The following ABTB3 variants were observed in gnomAD, a reference collection of about 807,000 sequenced individuals.
ABTB3 encodes ankyrin repeat- and BTB/POZ domain-containing protein 3.
the ABTB3 span, among the ~76,000 whole-genome samples, chr12:107,469,146 C>A: frequency 6.6e-6 from 1 of 152,170 alleles, no homozygotes; most frequent in Non-Finnish European, 1.5e-5. Flanking sequence ...TGACTCACCC[C>A]ACTCCGGCCA....
chr12:107,633,010 T>C, the ABTB3 span, among the ~76,000 whole-genome samples: 5 of 152,348 alleles, frequency 3.3e-5, 1 homozygote. Context: ...CCTTTTCTGC[T>C]TCTACTTTTA....
the ABTB3 span, among the ~76,000 whole-genome samples, chr12:107,476,855 G>A: frequency 3.3e-5 from 5 of 152,196 alleles, 1 homozygote; most frequent in African/African-American, 1.2e-4. Context: ...ATGCTGACTT[G>A]TGTGTGCATA....
At chr12:107,319,275 G>C in the ABTB3 span, 1 of 1,547,158 alleles carries the variant, frequency 6.5e-7, no homozygotes, top group Non-Finnish European at 8.7e-7. Context: ...CTGCGTTCGC[G>C]GGATCCCCGG....
chr12:107,518,979 G>C, the ABTB3 span, among the ~76,000 whole-genome samples: 1 of 152,294 alleles, frequency 6.6e-6, no homozygotes. Flanking sequence ...ACTGATCATG[G>C]GATTATGTGT....
chr12:107,536,966 G>T, the ABTB3 span, among the ~76,000 whole-genome samples: 1 of 152,046 alleles, frequency 6.6e-6, no homozygotes, highest in Non-Finnish European at 1.5e-5. Flanking sequence ...ACCAAGATGT[G>T]GATCAACCTA....
At chr12:107,548,695 A>G in the ABTB3 span, among the ~76,000 whole-genome samples, 1 of 152,190 alleles carries the variant, frequency 6.6e-6, no homozygotes, top group Non-Finnish European at 1.5e-5. Context: ...CGATTAGGTG[A>G]TATTTATTTT....
At chr12:107,541,333 G>A in the ABTB3 span, among the ~76,000 whole-genome samples, 4 of 152,260 alleles carry the variant, frequency 2.6e-5, no homozygotes, top group Non-Finnish European at 5.9e-5. Context: ...GTTTCAGCTG[G>A]ACAATGAGAG....
At chr12:107,358,336 A>G in the ABTB3 span, among the ~76,000 whole-genome samples, 1 of 152,210 alleles carries the variant, frequency 6.6e-6, no homozygotes, top group Admixed American at 6.5e-5. Flanking sequence ...TTAGCTCCAC[A>G]GATACCTGGA....
chr12:107,548,092 G>A, the ABTB3 span, among the ~76,000 whole-genome samples: 1 of 152,296 alleles, frequency 6.6e-6, no homozygotes, highest in Non-Finnish European at 1.5e-5. Context: ...TCAGTCAAGT[G>A]TTTATTCACA....
At chr12:107,461,197 C>T in the ABTB3 span, among the ~76,000 whole-genome samples, 1 of 152,170 alleles carries the variant, frequency 6.6e-6, no homozygotes, top group Non-Finnish European at 1.5e-5. Flanking sequence ...AACCCACCCC[C>T]ATGATACAAT....
At chr12:107,469,988 CTT>C in the ABTB3 span, among the ~76,000 whole-genome samples, 40 of 93,922 alleles carry the variant, frequency 4.3e-4, 5 homozygotes, top group African/African-American at 8.3e-4. Context: ...TTCTTTCTTT[CTT>C]TCTTTCTTTC....
chr12:107,510,896 T>C, the ABTB3 span, among the ~76,000 whole-genome samples: 1 of 151,976 alleles, frequency 6.6e-6, no homozygotes, highest in Non-Finnish European at 1.5e-5. Context: ...CACGCCAGCC[T>C]GGACAATAGA....
chr12:107,439,028 C>G, the ABTB3 span, among the ~76,000 whole-genome samples: 1 of 152,080 alleles, frequency 6.6e-6, no homozygotes, highest in Non-Finnish European at 1.5e-5. Context: ...TTTTATTATT[C>G]TGGTTGTTAA....
At chr12:107,538,757 C>CTT in the ABTB3 span, among the ~76,000 whole-genome samples, 1 of 152,218 alleles carries the variant, frequency 6.6e-6, no homozygotes, top group African/African-American at 2.4e-5. Flanking sequence ...GGGGTAGACT[C>CTT]TGAGAACCCC....
At chr12:107,586,873 T>C in the ABTB3 span, among the ~76,000 whole-genome samples, 1 of 152,152 alleles carries the variant, frequency 6.6e-6, no homozygotes, top group Non-Finnish European at 1.5e-5. Flanking sequence ...TCAGTAGAGA[T>C]CTAGGTTTGA....
chr12:107,651,574 G>A, the ABTB3 span: 1 of 734,850 alleles, frequency 1.4e-6, no homozygotes, highest in Admixed American at 2.1e-5. Context: ...CACTGCTGTG[G>A]AAGGTGAAGA....
the ABTB3 span, among the ~76,000 whole-genome samples, chr12:107,480,301 A>G: frequency 1.3e-5 from 2 of 152,160 alleles, no homozygotes; most frequent in Admixed American, 6.5e-5. Flanking sequence ...ATGTTATCCT[A>G]TAGGAAACAG....
the ABTB3 span, among the ~76,000 whole-genome samples, chr12:107,566,648 TACACACACAC>T: frequency 1.7e-3 from 233 of 136,450 alleles, no homozygotes; most frequent in African/African-American, 6.8e-3. Context: ...CTAATTTAAA[TACACACACAC>T]ACACACACAC....
chr12:107,625,592 G>C, the ABTB3 span, among the ~76,000 whole-genome samples: 1 of 152,130 alleles, frequency 6.6e-6, no homozygotes, highest in African/African-American at 2.4e-5. Context: ...TAAGTGCTCT[G>C]GCTCCCACGT....
Sources: gnomAD v4.1 joint callset for allele counts (sites outside exome capture counted in the v4.1 genomes callset) on GRCh38, gnomAD v4.1.1 for gene constraint, MANE v1.5 for transcripts, NCBI Gene and HGNC (gene_info 2026-07-23, HGNC 2026-07-21) for gene names.